The following GABRB1 variants were observed in gnomAD, a reference collection of about 807,000 sequenced individuals.
The protein encoded by GABRB1 is gamma-aminobutyric acid type A receptor subunit beta1, also known as gamma-aminobutyric acid receptor subunit beta-1.
Under a neutral mutation model 51.6 loss-of-function variants are expected in GABRB1, and 17 were observed. The ratio of observed to expected loss-of-function variants is 0.33; its 90% CI spans 0.23 to 0.49. The LOEUF is 0.49. Among genes scored for constraint, GABRB1 ranks in the 20% least tolerant of loss-of-function variants. The probability of loss-of-function intolerance (pLI) is 0.99; values close to 1 mark genes in which losing one functional copy is unlikely to be tolerated. For missense variants in GABRB1, 410 were observed against 600.6 expected (o/e 0.68, Z 3.32); for synonymous variants, 247 against 218.9 (o/e 1.13, Z -1.14).
chr4:47,050,581 T>C (rs1472423054), intron 3 of GABRB1, among the ~76,000 whole-genome samples: 1 of 152,190 alleles, frequency 6.6e-6, no homozygotes, highest in Non-Finnish European at 1.5e-5. Context: ...TAAGAATTTA[T>C]AAATACCAGC....
chr4:47,116,827 G>T (rs1400908229), intron 3 of GABRB1, among the ~76,000 whole-genome samples: 1 of 152,152 alleles, frequency 6.6e-6, no homozygotes, highest in Non-Finnish European at 1.5e-5. Flanking sequence ...CAGGAAGTAT[G>T]ATTGGGGAGG....
At chr4:47,098,946 A>G (rs1714595694) in intron 3 of GABRB1, among the ~76,000 whole-genome samples, 2 of 152,096 alleles carry the variant, frequency 1.3e-5, no homozygotes, top group Admixed American at 6.6e-5. Flanking sequence ...TATTGAAAAG[A>G]TGTTATTCTT....
chr4:47,029,647 C>T (rs1033299269), upstream of GABRB1, among the ~76,000 whole-genome samples: 4 of 151,766 alleles, frequency 2.6e-5, no homozygotes, highest in Non-Finnish European at 5.9e-5. Flanking sequence ...AGATATTCTC[C>T]TATATAGTTT....
chr4:47,161,048 C>T (rs778091742), intron 3 of GABRB1, among the ~76,000 whole-genome samples: 1 of 151,952 alleles, frequency 6.6e-6, no homozygotes, highest in African/African-American at 2.4e-5. Flanking sequence ...CTGCCTTGGC[C>T]TCCCAAATTG....
At chr4:47,293,501 T>A (rs762643756) in intron 4 of GABRB1, among the ~76,000 whole-genome samples, 7 of 152,168 alleles carry the variant, frequency 4.6e-5, no homozygotes, top group Non-Finnish European at 7.3e-5. Flanking sequence ...ACTTGAGGAT[T>A]TTCAGGAGCA....
intron 4 of GABRB1, among the ~76,000 whole-genome samples, chr4:47,246,373 T>C (rs1403832859): frequency 4.9e-5 from 2 of 41,234 alleles, no homozygotes; most frequent in African/African-American, 1.4e-4. Context: ...TATATATATA[T>C]ATATATATAT....
At chr4:47,208,801 T>G (rs1195722397) in intron 4 of GABRB1, among the ~76,000 whole-genome samples, 3 of 152,094 alleles carry the variant, frequency 2.0e-5, no homozygotes, top group Non-Finnish European at 2.9e-5. Flanking sequence ...TTATGGTATT[T>G]TCATTTCTAC....
intron 1 of GABRB1, among the ~76,000 whole-genome samples, chr4:47,025,118 T>C (rs1725049961): frequency 6.6e-6 from 1 of 150,646 alleles, no homozygotes; most frequent in South Asian, 2.1e-4. Context: ...TATATATGTA[T>C]CTCACAATTT....
chr4:47,301,069 C>T (rs990952996), intron 4 of GABRB1, among the ~76,000 whole-genome samples: 3 of 151,516 alleles, frequency 2.0e-5, no homozygotes, highest in Non-Finnish European at 4.4e-5. Flanking sequence ...AAACCAGAAA[C>T]AAAAAAAGAA....
At chr4:47,333,158 A>G (rs891306469) in intron 5 of GABRB1, among the ~76,000 whole-genome samples, 123 of 145,796 alleles carry the variant, frequency 8.4e-4, no homozygotes, top group African/African-American at 2.8e-3. Flanking sequence ...TTATATATTT[A>G]AAAATATATA....
intron 8 of GABRB1, among the ~76,000 whole-genome samples, chr4:47,415,196 T>C (rs192084668): frequency 1.1e-3 from 173 of 152,322 alleles, no homozygotes; most frequent in Admixed American, 2.0e-3. Flanking sequence ...AGAAGTCTAC[T>C]TTACTTAACT....
chr4:47,070,853 A>G (rs1052984385), intron 3 of GABRB1, among the ~76,000 whole-genome samples: 3 of 152,116 alleles, frequency 2.0e-5, no homozygotes, highest in African/African-American at 7.2e-5. Flanking sequence ...TTAAATACCA[A>G]CTTCACTCTA....
chr4:47,070,068 C>T (rs1727258774), intron 3 of GABRB1, among the ~76,000 whole-genome samples: 1 of 151,672 alleles, frequency 6.6e-6, no homozygotes, highest in African/African-American at 2.4e-5. Flanking sequence ...CCAAGTATCG[C>T]TCTGTCACCC....
At chr4:47,174,587 A>G (rs1718584901) in intron 4 of GABRB1, among the ~76,000 whole-genome samples, 1 of 150,892 alleles carries the variant, frequency 6.6e-6, no homozygotes, top group African/African-American at 2.4e-5. Context: ...TAGTTTAAAG[A>G]TGGTCCCCAA....
chr4:47,165,546 T>A (rs1034234623), intron 4 of GABRB1, among the ~76,000 whole-genome samples: 1 of 152,190 alleles, frequency 6.6e-6, no homozygotes, highest in African/African-American at 2.4e-5. Flanking sequence ...GAGTAATGAC[T>A]GACTCTGACT....
chr4:47,292,072 T>C (rs1218452000), intron 4 of GABRB1, among the ~76,000 whole-genome samples: 2 of 152,210 alleles, frequency 1.3e-5, no homozygotes, highest in African/African-American at 4.8e-5. Context: ...TCATCTTGAA[T>C]TCCCAAGTGT....
At chr4:47,296,232 T>C (rs1248967806) in intron 4 of GABRB1, among the ~76,000 whole-genome samples, 4 of 152,168 alleles carry the variant, frequency 2.6e-5, no homozygotes, top group South Asian at 2.1e-4. Context: ...AACATCATAA[T>C]GACAGGATCA....
At chr4:47,241,956 A>G (rs1214082986) in intron 4 of GABRB1, among the ~76,000 whole-genome samples, 1 of 152,100 alleles carries the variant, frequency 6.6e-6, no homozygotes, top group African/African-American at 2.4e-5. Flanking sequence ...TTACATATGT[A>G]TACATGTGCC....
chr4:47,408,276 T>C (rs1255584198), intron 8 of GABRB1, among the ~76,000 whole-genome samples: 3 of 152,158 alleles, frequency 2.0e-5, no homozygotes, highest in African/African-American at 7.2e-5. Flanking sequence ...AGCAAGTGCA[T>C]AGGCTCTGAG....
Sources: gnomAD v4.1 joint callset for allele counts (sites outside exome capture counted in the v4.1 genomes callset) on GRCh38, gnomAD v4.1.1 for gene constraint, MANE v1.5 for transcripts, NCBI Gene and HGNC (gene_info 2026-07-23, HGNC 2026-07-21) for gene names.